The following NXPH1 variants were observed in gnomAD, a reference collection of about 807,000 sequenced individuals.
NXPH1 encodes the protein neurexophilin-1.
A neutral mutation model predicts 23.7 loss-of-function variants in NXPH1; 5 were observed. The observed-to-expected ratio is 0.21, with a 90% confidence interval of 0.11 to 0.44. NXPH1 has a LOEUF of 0.44. Ranked by LOEUF, NXPH1 falls within the 20% of genes least tolerant of loss-of-function variation. The pLI is 0.99. For synonymous variants in NXPH1, 144 were observed against 122.2 expected (o/e 1.18, Z -1.18); for missense variants, 324 against 321.6 (o/e 1.01, Z -0.06).
In NXPH1 at chr7:8,534,091, C is replaced by T. The variant is rs6970329; in HGVS notation, c.54+98324C>T. ...ACAACATCAGTTAAGTCATTGGAAA[C>T]ACACAAAAATCAATATGGGTGTTAT... On this transcript the variant is annotated intron_variant, in intron 2 of 2. Coordinates refer to ENST00000405863, the MANE Select transcript of NXPH1 (RefSeq NM_152745.3). 9.0e-3 allele frequency among the ~76,000 whole-genome samples: 1,377 copies of T among 152,158 alleles called. 17 individuals are homozygous for T. Among genetic ancestry groups the T allele is most frequent in the African/African-American group, 0.03 (1,261 of 41,536 alleles).
At chr7:8,645,954 G>GCA (rs1820392970) in intron 2 of NXPH1, among the ~76,000 whole-genome samples, 1 of 151,874 alleles carries the variant, frequency 6.6e-6, no homozygotes, top group African/African-American at 2.4e-5. Context: ...TTTATTATAG[G>GCA]CACTAATGTC....
chr7:8,518,751 G>A (rs1316110888), intron 2 of NXPH1, among the ~76,000 whole-genome samples: 3 of 152,164 alleles, frequency 2.0e-5, no homozygotes, highest in Non-Finnish European at 4.4e-5. Flanking sequence ...CTCCCAAGTA[G>A]CTGGGATTAT....
rs1360541537 is a variant in NXPH1, at chr7:8,442,992, G to A, written c.54+7225G>A. The stretch of plus-strand genomic sequence containing the variant: ...GCGACTCTTCAGCACCACGGCCAGC[G>A]CCACAGGCTCCGCCCCGCCTGGTGC... On this transcript the variant is annotated intron_variant, in intron 2 of 2. Coordinates refer to ENST00000405863, the MANE Select transcript of NXPH1 (RefSeq NM_152745.3). The surrounding 1 kb of genome is among the most constrained non-coding windows in gnomAD (Gnocchi z 4.6). Among the ~76,000 whole-genome samples the A allele has an allele frequency of 2.0e-5, 3 of 152,206 alleles. No homozygotes were observed. The highest frequency in any genetic ancestry group is 4.4e-5 in the Non-Finnish European group (3 of 68,022).
chr7:8,740,672 A>T (rs1429466883), intron 2 of NXPH1, among the ~76,000 whole-genome samples: 1 of 152,020 alleles, frequency 6.6e-6, no homozygotes, highest in Non-Finnish European at 1.5e-5. Context: ...CTTTGCATGA[A>T]GGAAATGATG....
At chr7:8,665,624 A>C (rs1430740900) in intron 2 of NXPH1, among the ~76,000 whole-genome samples, 1 of 152,024 alleles carries the variant, frequency 6.6e-6, no homozygotes, top group Non-Finnish European at 1.5e-5. Context: ...GAACATTTTA[A>C]CAATATTATT....
intron 2 of NXPH1, among the ~76,000 whole-genome samples, chr7:8,513,164 T>C (rs895712508): frequency 5.3e-5 from 8 of 152,104 alleles, no homozygotes; most frequent in African/African-American, 1.9e-4. Flanking sequence ...TTGGGACTGG[T>C]GGTCTTTGAA....
intron 2 of NXPH1, among the ~76,000 whole-genome samples, chr7:8,666,646 G>T (rs993629110): frequency 6.6e-6 from 1 of 152,036 alleles, no homozygotes; most frequent in Non-Finnish European, 1.5e-5. Context: ...CAGCAGTAAA[G>T]CCATCAAGTC....
chr7:8,466,710 T>C (rs6956341), intron 2 of NXPH1, among the ~76,000 whole-genome samples: 90,202 of 152,050 alleles, frequency 0.59, 29,399 homozygotes, highest in African/African-American at 0.87. Context: ...AAGTAAATGA[T>C]CTAAAACTTT....
intron 2 of NXPH1, among the ~76,000 whole-genome samples, chr7:8,728,510 C>T (rs545433667): frequency 1.3e-5 from 2 of 152,202 alleles, no homozygotes; most frequent in Admixed American, 6.5e-5. Context: ...TGAAATATGT[C>T]CCATCCATAC....
At position 8,723,263 on chromosome 7, in the gene NXPH1, C is replaced by A. The variant is rs1779997545; in HGVS notation, c.55-27745C>A. Among the ~76,000 whole-genome samples the A allele has an allele frequency of 3.9e-5, 6 of 152,274 alleles. No homozygotes were observed. The South Asian group carries it at 1.2e-3, about 32-fold the overall frequency. On this transcript the variant is annotated intron_variant, in intron 2 of 2. Coordinates refer to ENST00000405863, the MANE Select transcript of NXPH1 (RefSeq NM_152745.3). Reference sequence around the variant, plus strand: ...ACTTGAGTAGTGCAAAGAAAATGCTCCCAGAAAGTTTGGCAGGCTCTGTTC... The same window carrying A: ...ACTTGAGTAGTGCAAAGAAAATGCTACCAGAAAGTTTGGCAGGCTCTGTTC...
chr7:8,480,843 A>G (rs1318389020), intron 2 of NXPH1, among the ~76,000 whole-genome samples: 1 of 152,180 alleles, frequency 6.6e-6, no homozygotes, highest in African/African-American at 2.4e-5. Flanking sequence ...TTTATTCCTT[A>G]GTGATTCACT....
intron 2 of NXPH1, among the ~76,000 whole-genome samples, chr7:8,724,319 T>C (rs978240121): frequency 1.4e-4 from 21 of 152,222 alleles, no homozygotes; most frequent in Non-Finnish European, 2.4e-4. Context: ...GCTGGAATGT[T>C]ACCCGGCTCT....
intron 2 of NXPH1, among the ~76,000 whole-genome samples, chr7:8,698,472 GTA>G (rs1302740118): frequency 1.3e-5 from 2 of 152,230 alleles, no homozygotes; most frequent in Admixed American, 6.5e-5. Flanking sequence ...TCTCATACCA[GTA>G]TATATCTGTG....
chr7:8,455,257 A>C (rs1438522198), intron 2 of NXPH1, among the ~76,000 whole-genome samples: 1 of 152,194 alleles, frequency 6.6e-6, no homozygotes, highest in Non-Finnish European at 1.5e-5. Flanking sequence ...TACGGCTAAA[A>C]AGAAAATAAA....
At chr7:8,505,017 C>T (rs1358226078) in intron 2 of NXPH1, among the ~76,000 whole-genome samples, 1 of 152,052 alleles carries the variant, frequency 6.6e-6, no homozygotes, top group African/African-American at 2.4e-5. Flanking sequence ...GCTAGCTACA[C>T]AGCCCTGCAA....
intron 2 of NXPH1, among the ~76,000 whole-genome samples, chr7:8,596,016 C>A (rs558807356): frequency 6.6e-6 from 1 of 151,912 alleles, no homozygotes; most frequent in Non-Finnish European, 1.5e-5. Flanking sequence ...ATTTAGCATG[C>A]AAGTTTGATA....
intron 2 of NXPH1, among the ~76,000 whole-genome samples, chr7:8,500,268 C>T (rs1192605317): frequency 1.3e-5 from 2 of 152,018 alleles, no homozygotes; most frequent in Admixed American, 6.6e-5. Flanking sequence ...TACCTTTTGT[C>T]TAGTAGTCCC....
intron 2 of NXPH1, among the ~76,000 whole-genome samples, chr7:8,514,954 C>T (rs1032281594): frequency 1.3e-5 from 2 of 152,122 alleles, no homozygotes. Flanking sequence ...GTCTTCTGTC[C>T]CACACAGAGG....
intron 2 of NXPH1, among the ~76,000 whole-genome samples, chr7:8,548,475 A>G (rs1379714974): frequency 6.6e-6 from 1 of 151,562 alleles, no homozygotes; most frequent in African/African-American, 2.4e-5. Flanking sequence ...TTAACTTGTG[A>G]GTTCTTAATA....
Sources: gnomAD v4.1 joint callset for allele counts (sites outside exome capture counted in the v4.1 genomes callset) on GRCh38, gnomAD v4.1.1 for gene constraint, Gnocchi (gnomAD v3.1) non-coding constraint, MANE v1.5 for transcripts, NCBI Gene and HGNC (gene_info 2026-07-23, HGNC 2026-07-21) for gene names.